TTC29: variants seen among roughly 807,000 people sequenced by gnomAD.
TTC29 encodes tetratricopeptide repeat protein 29.
In TTC29, 49 loss-of-function variants were observed where a neutral mutation model predicts 58.1. The observed-to-expected ratio is 0.84, with a 90% CI of 0.67 to 1.07. The LOEUF is 1.07. Ranked by LOEUF, TTC29 falls within the 50% of genes least tolerant of loss-of-function variation. The pLI, the probability that TTC29 is intolerant of heterozygous loss-of-function variation, is 0.00. For missense variants in TTC29, 582 were observed against 555.6 expected, an observed-to-expected ratio of 1.05 and a Z score of -0.48; for synonymous variants, 209 against 196.8, an observed-to-expected ratio of 1.06 and a Z score of -0.52.
chr4:146,901,174 A>C (rs1733123396), intron 6 of TTC29, among the ~76,000 whole-genome samples: 1 of 152,204 alleles, frequency 6.6e-6, no homozygotes, highest in South Asian at 2.1e-4. Flanking sequence ...TACAGTTTGA[A>C]AATTAAAACT....
chr4:146,743,259 G>A (rs920179530), intron 11 of TTC29, among the ~76,000 whole-genome samples: 10 of 152,090 alleles, frequency 6.6e-5, no homozygotes, highest in South Asian at 2.1e-4. Context: ...GACAGATTTC[G>A]TTTGAATATG....
chr4:146,892,515 G>A (rs1377046022), intron 6 of TTC29, among the ~76,000 whole-genome samples: 2 of 152,088 alleles, frequency 1.3e-5, no homozygotes, highest in Non-Finnish European at 2.9e-5. Context: ...AATAAATTAG[G>A]TATTGATGGG....
intron 8 of TTC29, among the ~76,000 whole-genome samples, chr4:146,852,743 C>T (rs1360523673): frequency 6.6e-6 from 1 of 152,224 alleles, no homozygotes; most frequent in African/African-American, 2.4e-5. Context: ...AAAGAAACTT[C>T]TCAGACCTGT....
intron 6 of TTC29, among the ~76,000 whole-genome samples, chr4:146,880,075 T>C (rs753067298): frequency 6.6e-6 from 1 of 152,114 alleles, no homozygotes. Flanking sequence ...CAACATTTCA[T>C]GTGAACCAGG....
At chr4:146,788,946 T>C (rs1200780170) in intron 11 of TTC29, among the ~76,000 whole-genome samples, 4 of 152,118 alleles carry the variant, frequency 2.6e-5, no homozygotes, top group Admixed American at 6.6e-5. Flanking sequence ...TGAGGAACTT[T>C]TGAACTGATT....
chr4:146,889,547 A>ATCTC (rs1021178795), intron 6 of TTC29, among the ~76,000 whole-genome samples: 12 of 152,168 alleles, frequency 7.9e-5, no homozygotes, highest in Non-Finnish European at 1.6e-4. Context: ...TAGCACTTAC[A>ATCTC]TCTCTATTAA....
chr4:146,858,577 C>T (rs758918668), intron 8 of TTC29, among the ~76,000 whole-genome samples: 4 of 152,048 alleles, frequency 2.6e-5, no homozygotes, highest in Non-Finnish European at 4.4e-5. Flanking sequence ...AGCAGAAGCC[C>T]GACATTGTGA....
intron 6 of TTC29, among the ~76,000 whole-genome samples, chr4:146,885,180 G>A (rs1231069575): frequency 6.6e-6 from 1 of 151,674 alleles, no homozygotes; most frequent in East Asian, 1.9e-4. Flanking sequence ...GGCAAATTAG[G>A]GTGACACTAC....
intron 9 of TTC29, among the ~76,000 whole-genome samples, chr4:146,823,173 T>C (rs934007082): frequency 2.0e-5 from 3 of 151,884 alleles, no homozygotes; most frequent in African/African-American, 7.2e-5. Context: ...CATGACGTCA[T>C]TGCCTGTGCC....
intron 7 of TTC29, 141 bp downstream of exon 7, chr4:146,874,575 T>G: frequency 4.2e-6 from 3 of 712,954 alleles, no homozygotes; most frequent in South Asian, 3.9e-5. Flanking sequence ...ACAGTGAAAT[T>G]TGAAAGTAAA....
intron 11 of TTC29, among the ~76,000 whole-genome samples, chr4:146,739,269 C>A (rs1744942822): frequency 6.6e-6 from 1 of 152,296 alleles, no homozygotes; most frequent in Non-Finnish European, 1.5e-5. Context: ...AGATGATTTT[C>A]TGCCTTTACT....
At position 146,800,184 on chromosome 4, in the gene TTC29, G is replaced by T. The variant is rs775422130; in HGVS notation, c.1330+3273C>A. Among the ~76,000 whole-genome samples the T allele has an allele frequency of 2.1e-4, 32 of 152,202 alleles. No individual in the cohort carries two copies. In the South Asian group the frequency reaches 3.5e-3, roughly 17 times the overall value. On this transcript the variant is annotated intron_variant, in intron 11 of 12. Transcript: ENST00000325106. ...CTAAGAGTCTTAGAATAGAATGAAG[G>T]TGCCTACATTTGCTGTGTTCCCTCT...
intron 6 of TTC29, among the ~76,000 whole-genome samples, chr4:146,892,794 C>G (rs916162652): frequency 6.6e-6 from 1 of 152,196 alleles, no homozygotes; most frequent in Non-Finnish European, 1.5e-5. Context: ...CCCATTGTCT[C>G]AGCCCAAAAT....
At position 146,814,828 on chromosome 4, in the gene TTC29, A is replaced by T. The variant is rs1579739342; in HGVS notation, c.1101+5297T>A. ...ACTGAAGAGGTGGCATTGAACAGAG[A>T]TCTGAGTGACAAGAAGCCAGCAATG... On this transcript the variant is annotated intron_variant, in intron 10 of 12. Transcript: ENST00000325106. Among the ~76,000 whole-genome samples, 6 of 151,876 alleles carry T rather than the reference A, an allele frequency of 4.0e-5. 1 individual carries two copies. Among genetic ancestry groups the T allele is most frequent in the Admixed American group, 3.9e-4 (6 of 15,250 alleles).
chr4:146,898,899 A>C (rs1732951523), intron 6 of TTC29, among the ~76,000 whole-genome samples: 1 of 152,220 alleles, frequency 6.6e-6, no homozygotes, highest in African/African-American at 2.4e-5. Flanking sequence ...CTCACAAAGA[A>C]GGCTGGCCTC....
intron 11 of TTC29, among the ~76,000 whole-genome samples, chr4:146,759,204 T>C (rs571985127): frequency 5.3e-5 from 8 of 152,176 alleles, no homozygotes; most frequent in African/African-American, 1.9e-4. Flanking sequence ...TGAACACCTT[T>C]ACACACATAA....
intron 9 of TTC29, among the ~76,000 whole-genome samples, chr4:146,831,117 G>C (rs984181770): frequency 6.6e-6 from 1 of 152,150 alleles, no homozygotes; most frequent in African/African-American, 2.4e-5. Context: ...GTAGCCTTGG[G>C]ACACTTTTTC....
intron 11 of TTC29, 148 bp downstream of exon 11, chr4:146,803,309 T>C: frequency 1.6e-6 from 1 of 622,696 alleles, no homozygotes; most frequent in East Asian, 2.8e-5. Context: ...CAAAAGTATA[T>C]CCAACCTTCA....
chr4:146,839,951 G>A (rs1288064552), intron 8 of TTC29, among the ~76,000 whole-genome samples: 1 of 151,940 alleles, frequency 6.6e-6, no homozygotes, highest in Non-Finnish European at 1.5e-5. Flanking sequence ...TCTGGCAGAG[G>A]AAGTTGCAGT....
Sources: allele counts gnomAD v4.1 joint callset (sites outside exome capture counted in the v4.1 genomes callset), GRCh38; gene constraint gnomAD v4.1.1; transcripts MANE v1.5; gene names NCBI Gene and HGNC (gene_info 2026-07-23, HGNC 2026-07-21).